NOL4: variants seen among roughly 807,000 people sequenced by gnomAD.
NOL4 encodes the protein cancer/testis antigen 125.
Under a neutral mutation model 75.9 loss-of-function variants are expected in NOL4, and 17 were observed. The observed-to-expected ratio is 0.22, with a 90% CI of 0.15 to 0.34. NOL4 has a LOEUF of 0.34. NOL4 is among the 10% of genes least tolerant of loss of function. The pLI is 1.00. For missense variants in NOL4, 614 were observed against 793.5 expected, an observed-to-expected ratio of 0.77 and a Z score of 2.72; for synonymous variants, 292 against 289.9, an observed-to-expected ratio of 1.01 and a Z score of -0.07.
At chr18:34,129,417 T>C (rs1600679219) in intron 2 of NOL4, among the ~76,000 whole-genome samples, 1 of 151,696 alleles carries the variant, frequency 6.6e-6, no homozygotes, top group African/African-American at 2.4e-5. Context: ...GAAAAGTACA[T>C]AAAATATTCC....
At chr18:34,116,567 A>G (rs1600646224) in intron 2 of NOL4, among the ~76,000 whole-genome samples, 1 of 152,324 alleles carries the variant, frequency 6.6e-6, no homozygotes, top group Non-Finnish European at 1.5e-5. Context: ...TGTAAATTCA[A>G]TAATATATAA....
At chr18:34,099,515 T>C (rs1241676527) in intron 4 of NOL4, among the ~76,000 whole-genome samples, 2 of 152,154 alleles carry the variant, frequency 1.3e-5, no homozygotes, top group African/African-American at 4.8e-5. Context: ...TCATGTTCTA[T>C]GCATTTCATT....
rs1369898843 is a variant in NOL4, at chr18:34,131,703, C to T, written c.265-1683G>A. Among the ~76,000 whole-genome samples, 6 of 152,204 alleles carry T rather than the reference C, an allele frequency of 3.9e-5. 1 individual carries two copies. Among genetic ancestry groups the T allele is most frequent in the Admixed American group, 3.3e-4 (5 of 15,262 alleles). ...CCTTTAATTCATTCACATGTTCACTCATTTATCTAGCTAAATACTCAACTG... is the reference window on the plus strand; with the variant it reads ...CCTTTAATTCATTCACATGTTCACTTATTTATCTAGCTAAATACTCAACTG... On this transcript the variant is annotated intron_variant, in intron 1 of 10. Transcript: ENST00000261592.
At chr18:34,101,818 T>A (rs1212805790) in intron 4 of NOL4, among the ~76,000 whole-genome samples, 3 of 152,034 alleles carry the variant, frequency 2.0e-5, no homozygotes, top group Admixed American at 1.3e-4. Flanking sequence ...AAAATATAAA[T>A]CAGATCACAT....
intron 6 of NOL4, 60 bp from the exon 7 acceptor site, chr18:33,958,478 T>C (rs765170420): frequency 1.4e-6 from 2 of 1,408,992 alleles, no homozygotes; most frequent in Non-Finnish European, 9.6e-7. Context: ...ATAAGTTTTA[T>C]GTTTCATCTT....
At chr18:33,915,683 G>A (rs2066678365) in intron 9 of NOL4, among the ~76,000 whole-genome samples, 1 of 152,112 alleles carries the variant, frequency 6.6e-6, no homozygotes, top group African/African-American at 2.4e-5. Context: ...TATGAAAGAG[G>A]AGATACTTAT....
intron 4 of NOL4, among the ~76,000 whole-genome samples, chr18:34,103,787 T>C (rs141992895): frequency 6.6e-6 from 1 of 152,092 alleles, no homozygotes; most frequent in East Asian, 1.9e-4. Context: ...AGCTCAGTGA[T>C]GGTCTACTAA....
chr18:34,114,455 C>A (rs995590901), intron 2 of NOL4, among the ~76,000 whole-genome samples: 9 of 152,044 alleles, frequency 5.9e-5, no homozygotes, highest in Non-Finnish European at 1.2e-4. Context: ...TTGCTCACAA[C>A]AGAAACAAAC....
chr18:34,052,679 T>A (rs2076673247), intron 5 of NOL4, among the ~76,000 whole-genome samples: 1 of 152,092 alleles, frequency 6.6e-6, no homozygotes, highest in Non-Finnish European at 1.5e-5. Flanking sequence ...GCTCATGGTC[T>A]AGTATTATAG....
chr18:34,204,699 C>T (rs1172521305), intron 1 of NOL4, among the ~76,000 whole-genome samples: 1 of 152,092 alleles, frequency 6.6e-6, no homozygotes, highest in African/African-American at 2.4e-5. Context: ...CCTAAGACAT[C>T]TTTCCATTAT....
chr18:34,217,283 T>A (rs759063037), intron 1 of NOL4, among the ~76,000 whole-genome samples: 7 of 152,144 alleles, frequency 4.6e-5, no homozygotes, highest in Admixed American at 2.6e-4. Context: ...TTTCTTTTTT[T>A]TTATTTATTT....
Position 34,054,296 on chromosome 18 carries a change from G to T in NOL4, c.773-34695C>A, listed in dbSNP as rs184503697. Among the ~76,000 whole-genome samples the T allele has an allele frequency of 4.6e-5, 7 of 151,636 alleles. No individual in the cohort carries two copies. In the East Asian group the frequency reaches 1.2e-3, roughly 25 times the overall value. On this transcript the variant is annotated intron_variant, in intron 5 of 10. Transcript: ENST00000261592. ...TTGTTCTATCCATTATTAAAAGTGG[G>T]GTATTGAAGTCTCCTACTATTATTG...
In NOL4 at chr18:34,195,898, C is replaced by G. The variant is rs568416083; in HGVS notation, c.264+27092G>C. Among the ~76,000 whole-genome samples the G allele has an allele frequency of 1.1e-3, 162 of 152,208 alleles. 1 individual carries two copies. Among genetic ancestry groups the G allele is most frequent in the Non-Finnish European group, 1.7e-3 (115 of 67,986 alleles). ...ACAATCTTTTATTTTTAAGAAATCT[C>G]TCCCAGTAGATAAAGAATTCATTTT... is the stretch of plus-strand genomic sequence containing the variant. On this transcript the variant is annotated intron_variant, in intron 1 of 10. Coordinates refer to ENST00000261592, the MANE Select transcript of NOL4 (RefSeq NM_003787.5).
chr18:33,996,542 T>C (rs549837407), intron 6 of NOL4, among the ~76,000 whole-genome samples: 85 of 151,966 alleles, frequency 5.6e-4, no homozygotes, highest in Non-Finnish European at 8.7e-4. Flanking sequence ...GAGCATAGTA[T>C]CCAATAGGTA....
At chr18:34,139,590 A>T (rs914736522) in intron 1 of NOL4, among the ~76,000 whole-genome samples, 2 of 151,978 alleles carry the variant, frequency 1.3e-5, no homozygotes, top group African/African-American at 2.4e-5. Flanking sequence ...TAGTCTTGCT[A>T]GCGCTCTATC....
intron 1 of NOL4, among the ~76,000 whole-genome samples, chr18:34,150,874 T>C (rs1399712358): frequency 6.6e-6 from 1 of 151,698 alleles, no homozygotes; most frequent in Non-Finnish European, 1.5e-5. Context: ...TTATCTGAAA[T>C]ATACAAATAA....
chr18:34,084,881 C>G (rs992396540), intron 5 of NOL4, among the ~76,000 whole-genome samples: 3 of 152,170 alleles, frequency 2.0e-5, no homozygotes, highest in Non-Finnish European at 4.4e-5. Flanking sequence ...CTACTAAACA[C>G]TGAAATTGCT....
chr18:34,002,273 C>A (rs1172005674), intron 6 of NOL4, among the ~76,000 whole-genome samples: 1 of 151,996 alleles, frequency 6.6e-6, no homozygotes, highest in Non-Finnish European at 1.5e-5. Flanking sequence ...GTAGCCCCCC[C>A]ATTCTCCAAG....
intron 10 of NOL4, among the ~76,000 whole-genome samples, chr18:33,882,129 C>T (rs1229125263): frequency 3.9e-5 from 6 of 152,164 alleles, no homozygotes; most frequent in African/African-American, 1.2e-4. Flanking sequence ...CATTACCATT[C>T]AGGACATAGG....
Sources: gnomAD v4.1 joint callset for allele counts (sites outside exome capture counted in the v4.1 genomes callset) on GRCh38, gnomAD v4.1.1 for gene constraint, MANE v1.5 for transcripts, NCBI Gene and HGNC (gene_info 2026-07-23, HGNC 2026-07-21) for gene names.